DTHD1: variants seen among roughly 807,000 people sequenced by gnomAD.
The protein encoded by DTHD1 is death domain containing 1.
A neutral mutation model predicts 74.8 loss-of-function variants in DTHD1; 59 were observed. That is an observed-to-expected ratio of 0.79 (90% CI 0.64 to 0.98). The LOEUF is 0.98. Among genes scored for constraint, DTHD1 ranks in the 50% least tolerant of loss-of-function variants. The pLI is 0.00. For synonymous variants in DTHD1, 365 were observed against 371.1 expected (o/e 0.98, Z 0.19); for missense variants, 1,051 against 1,065.4 (o/e 0.99, Z 0.19).
Position 36,314,748 on chromosome 4 carries a change from T to G in DTHD1, c.2096-1494T>G, listed in dbSNP as rs1199861055. On this transcript the variant is annotated intron_variant, in intron 7 of 9. Transcript: ENST00000639862. ...TTGACATTTCTTTAAACAATCTGAG[T>G]TTTTTTTTTTTTTTTTTTTTTTGCA... 1.5e-3 allele frequency among the ~76,000 whole-genome samples: 79 copies of G among 51,586 alleles called. No homozygotes were observed. The East Asian group carries it at 0.025, about 17-fold the overall frequency. 33.8% of individuals were successfully genotyped at this position (51,586 alleles called of 152,430 possible). A position where few individuals can be genotyped will look rare whatever the true frequency, so the allele number is the denominator to read the frequency against.
At chr4:36,306,395 G>A (rs1347231403) in intron 6 of DTHD1, 43 bp downstream of exon 6, 2 of 1,496,408 alleles carry the variant, frequency 1.3e-6, no homozygotes, top group Non-Finnish European at 1.8e-6. Flanking sequence ...TACTCTTTCT[G>A]ATGGTCATAA....
intron 9 of DTHD1, among the ~76,000 whole-genome samples, chr4:36,340,879 G>A (rs1309057676): frequency 4.6e-5 from 7 of 152,112 alleles, no homozygotes; most frequent in Non-Finnish European, 7.4e-5. Context: ...GAGGAAGAGA[G>A]TTAGCAGGGG....
intron 8 of DTHD1, among the ~76,000 whole-genome samples, chr4:36,323,150 T>G (rs970106178): frequency 1.3e-5 from 2 of 152,212 alleles, no homozygotes; most frequent in African/African-American, 4.8e-5. Flanking sequence ...GACCCAAGTT[T>G]TGCTTAGCCT....
chr4:36,332,440 T>C (rs903274350), intron 8 of DTHD1, among the ~76,000 whole-genome samples: 15 of 152,166 alleles, frequency 9.9e-5, no homozygotes, highest in African/African-American at 3.4e-4. Context: ...TATGATGACC[T>C]GTGTTCATTC....
At chr4:36,305,471 G>T (rs905091184) in intron 5 of DTHD1, among the ~76,000 whole-genome samples, 3 of 152,046 alleles carry the variant, frequency 2.0e-5, no homozygotes, top group African/African-American at 7.2e-5. Flanking sequence ...AGAACAGTAT[G>T]GGGGGAAACT....
At chr4:36,343,477 T>G in intron 9 of DTHD1, 25 bp from the exon 10 acceptor site, 1 of 1,543,284 alleles carries the variant, frequency 6.5e-7, no homozygotes, top group Non-Finnish European at 8.8e-7. Flanking sequence ...GTCCTAACCG[T>G]GAGTGTTCCT....
At chr4:36,336,063 A>C (rs564716067) in intron 8 of DTHD1, among the ~76,000 whole-genome samples, 1 of 152,356 alleles carries the variant, frequency 6.6e-6, no homozygotes, top group East Asian at 1.9e-4. Context: ...TTATATTTTT[A>C]TACTGATGCC....
At chr4:36,343,459 AGGAGAG>A in intron 9 of DTHD1, 37 bp from the exon 10 acceptor site, 1 of 1,514,566 alleles carries the variant, frequency 6.6e-7, no homozygotes, top group South Asian at 1.3e-5. Flanking sequence ...TGCATCCCCC[AGGAGAG>A]GGTCCTAACC....
chr4:36,334,430 C>A (rs1212361098), intron 8 of DTHD1, among the ~76,000 whole-genome samples: 1 of 150,660 alleles, frequency 6.6e-6, no homozygotes, highest in African/African-American at 2.4e-5. Flanking sequence ...ACGATCTCAG[C>A]TCACTGCAAC....
chr4:36,288,504 C>T (rs1755853093), intron 2 of DTHD1, among the ~76,000 whole-genome samples: 2 of 152,178 alleles, frequency 1.3e-5, no homozygotes, highest in South Asian at 4.1e-4. Context: ...AACGAGGATG[C>T]AGTTTCATTC....
chr4:36,310,928 A>T (rs879566257), intron 7 of DTHD1, among the ~76,000 whole-genome samples: 1 of 152,172 alleles, frequency 6.6e-6, no homozygotes, highest in Non-Finnish European at 1.5e-5. Flanking sequence ...CCGGAGCAGA[A>T]ACCACAGCGT....
In DTHD1 at chr4:36,290,464, A is replaced by T. The variant is rs1253337546; in HGVS notation, c.979A>T (p.Ile327Leu). Residue 327 changes from isoleucine (I) to leucine (L), a missense_variant, in exon 3 of 10, where the codon ATA becomes TTA. Transcript: ENST00000639862. The part of the protein sequence containing the change: ...SYVLQQLECR[I>L]INHMSSLIVG... ...TGTTCTACAACAACTAGAATGCCGG[A>T]TAATAAATCACATGAGTTCTTTAAT... 6.4e-7 allele frequency: 1 copy of T among 1,551,796 alleles called. No individual in the cohort carries two copies. The highest frequency in any genetic ancestry group is 1.4e-5 in the African/African-American group (1 of 73,064).
chr4:36,283,924 A>C, intron 1 of DTHD1, 52 bp from the exon 2 acceptor site: 1 of 1,246,464 alleles, frequency 8.0e-7, no homozygotes. Flanking sequence ...CAGAAACATA[A>C]TTTGGTTTAG....
intron 8 of DTHD1, among the ~76,000 whole-genome samples, chr4:36,332,482 A>G (rs1330390109): frequency 6.6e-6 from 1 of 152,122 alleles, no homozygotes; most frequent in African/African-American, 2.4e-5. Context: ...TGATGATGGG[A>G]TATCACCAAA....
chr4:36,307,242 C>G (rs947062343), intron 6 of DTHD1, among the ~76,000 whole-genome samples: 1 of 152,206 alleles, frequency 6.6e-6, no homozygotes, highest in Non-Finnish European at 1.5e-5. Context: ...GCTTAAACAA[C>G]AGAAACTTAT....
chr4:36,302,729 T>C (rs1756847966), intron 5 of DTHD1, among the ~76,000 whole-genome samples: 3 of 152,370 alleles, frequency 2.0e-5, no homozygotes, highest in South Asian at 4.1e-4. Flanking sequence ...TTCTTCCCTT[T>C]ACTTTTCCAT....
chr4:36,281,732 G>C lies in DTHD1; in HGVS notation c.-27G>C, dbSNP rs953387078. ...AAACCTTTAGGCTTTGCTGGCAGGA[G>C]AGAAAATACCACTTTTGGATCATAA... On this transcript the variant is annotated 5_prime_UTR_variant, in exon 1 of 10. Transcript: ENST00000639862. 1 of 1,234,846 alleles carries C rather than the reference G, an allele frequency of 8.1e-7. No individual in the cohort carries two copies. Among genetic ancestry groups the C allele is most frequent in the Non-Finnish European group, 1.0e-6 (1 of 988,620 alleles). 76.5% of individuals were successfully genotyped at this position (1,234,846 alleles called of 1,614,324 possible).
At position 36,284,603 on chromosome 4, in the gene DTHD1, C is replaced by T; in HGVS notation, c.887+12C>T. The T allele has an allele frequency of 3.4e-6, 5 of 1,489,794 alleles. 1 individual carries two copies. In the East Asian group the frequency reaches 1.2e-4, roughly 37 times the overall value. The allele number at this position is 1,489,794 out of a possible 1,614,324, so 92.3% of individuals were successfully genotyped here. On this transcript the variant is annotated intron_variant, in intron 2 of 9. Transcript: ENST00000639862. ...ATAATGGAAAAGGAGTAAGTAAATG[C>T]AATGTGGGAAGTGCTTAAGTATGCC...
At chr4:36,308,725 G>T (rs1241782322) in intron 7 of DTHD1, among the ~76,000 whole-genome samples, 1 of 152,114 alleles carries the variant, frequency 6.6e-6, no homozygotes. Flanking sequence ...ACACTTTTTA[G>T]AAATAGCCTT....
Sources: gnomAD v4.1 joint callset for allele counts (sites outside exome capture counted in the v4.1 genomes callset) on GRCh38, gnomAD v4.1.1 for gene constraint, MANE v1.5 for transcripts, NCBI Gene and HGNC (gene_info 2026-07-23, HGNC 2026-07-21) for gene names.